PHEX: variants seen among roughly 807,000 people sequenced by gnomAD.
PHEX encodes the protein phosphate regulating endopeptidase X-linked, also known as phosphate-regulating neutral endopeptidase PHEX.
Under a neutral mutation model 68.0 loss-of-function variants are expected in PHEX, and 16 were observed. The observed-to-expected ratio is 0.24, with a 90% CI of 0.16 to 0.36. PHEX has a LOEUF of 0.36. Among genes scored for constraint, PHEX ranks in the 10% least tolerant of loss-of-function variants. PHEX has a pLI of 1.00. For synonymous variants in PHEX, 208 were observed against 205.1 expected, an observed-to-expected ratio of 1.01 and a Z score of -0.12; for missense variants, 480 against 575.5, an observed-to-expected ratio of 0.83 and a Z score of 1.70.
intron 17 of PHEX, among the ~76,000 whole-genome samples, chrX:22,219,982 C>T (rs1007552547): frequency 3.6e-5 from 4 of 111,757 alleles, no homozygotes; most frequent in African/African-American, 6.5e-5. Flanking sequence ...CTTTGTATCC[C>T]GATGACATTT....
At position 22,104,472 on chromosome X, in the gene PHEX, T is replaced by A. The variant is rs1445016284; in HGVS notation, c.1079+5321T>A. 2.7e-5 allele frequency among the ~76,000 whole-genome samples: 3 copies of A among 111,199 alleles called. 1 individual carries two copies. The highest frequency in any genetic ancestry group is 5.7e-5 in the Non-Finnish European group (3 of 52,959). On this transcript the variant is annotated intron_variant, in intron 9 of 21. Transcript: ENST00000379374. ...AAAGGGGGGTGGGGTAAGGAGGTAG[T>A]GATGATCCCTCATGTTATGTGCATC...
At chrX:22,089,911 A>T (rs985537279) in intron 5 of PHEX, among the ~76,000 whole-genome samples, 4 of 112,476 alleles carry the variant, frequency 3.6e-5, no homozygotes, top group Non-Finnish European at 5.6e-5. Flanking sequence ...AAAAAAAATC[A>T]ATGCCATATG....
chrX:22,076,457 C>A lies in PHEX; in HGVS notation c.419C>A (p.Ser140Ter). ...EAIQKAKILY[S>*]SCMNEKAIEK... Reference sequence around the variant, plus strand: ...ATACAGAAAGCCAAAATCCTTTATTCATCCTGCATGAATGAGAGTGAGTGA... The same window carrying A: ...ATACAGAAAGCCAAAATCCTTTATTAATCCTGCATGAATGAGAGTGAGTGA... Residue 140 changes from serine (S) to a stop codon, truncating the protein, a stop_gained, in exon 4 of 22, where the codon TCA becomes TAA. Coordinates refer to ENST00000379374, the MANE Select transcript of PHEX (RefSeq NM_000444.6). LOFTEE classifies it high-confidence loss of function. The A allele has an allele frequency of 8.5e-7, 1 of 1,182,504 alleles. No individual in the cohort carries two copies. Among genetic ancestry groups the A allele is most frequent in the Non-Finnish European group, 1.2e-6 (1 of 868,569 alleles).
chrX:22,076,324 A>G, intron 3 of PHEX, 64 bp from the exon 4 acceptor site: 2 of 798,864 alleles, frequency 2.5e-6, no homozygotes, highest in East Asian at 3.1e-5. Flanking sequence ...GTGATTATCA[A>G]ATGACTTCCA....
At chrX:22,038,834 G>C (rs1927143035) in intron 2 of PHEX, among the ~76,000 whole-genome samples, 1 of 111,537 alleles carries the variant, frequency 9.0e-6, no homozygotes, top group African/African-American at 3.3e-5. Flanking sequence ...AGAGAACATT[G>C]GTCTTCCTAT....
At chrX:22,228,072 C>A (rs993478338) in intron 20 of PHEX, among the ~76,000 whole-genome samples, 2 of 111,418 alleles carry the variant, frequency 1.8e-5, no homozygotes, top group Non-Finnish European at 3.8e-5. Flanking sequence ...ATGCAGAGAC[C>A]CCTAGAGCTG....
At chrX:22,111,657 A>T (rs994538562) in intron 10 of PHEX, 97 bp downstream of exon 10, 1 of 667,992 alleles carries the variant, frequency 1.5e-6, no homozygotes. Context: ...ATCTTTAGGG[A>T]TTAGACAGGG....
intron 7 of PHEX, 34 bp downstream of exon 7, chrX:22,094,133 T>C (rs1328063307): frequency 2.5e-6 from 2 of 805,081 alleles, no homozygotes; most frequent in Middle Eastern, 2.8e-4. Context: ...TTCTTTCCTT[T>C]ACTTTCTTTT....
intron 3 of PHEX, among the ~76,000 whole-genome samples, chrX:22,075,188 C>T (rs12008272): frequency 0.072 from 7,844 of 109,161 alleles, 441 homozygotes; most frequent in African/African-American, 0.19. Flanking sequence ...CACATCCAAC[C>T]CAATTTAATT....
At chrX:22,079,854 A>G (rs955946893) in intron 5 of PHEX, among the ~76,000 whole-genome samples, 5 of 111,692 alleles carry the variant, frequency 4.5e-5, no homozygotes, top group African/African-American at 1.6e-4. Flanking sequence ...CAGAAGAAAT[A>G]ATAGGAAGCT....
At chrX:22,079,938 G>A in intron 5 of PHEX, among the ~76,000 whole-genome samples, 1 of 111,320 alleles carries the variant, frequency 9.0e-6, no homozygotes, top group South Asian at 3.8e-4. Flanking sequence ...AAAACCATTA[G>A]GTAAATGGTT....
chrX:22,133,826 A>C (rs1932120637), intron 12 of PHEX, among the ~76,000 whole-genome samples: 1 of 112,109 alleles, frequency 8.9e-6, no homozygotes, highest in African/African-American at 3.2e-5. Flanking sequence ...AATTTTTCGA[A>C]CTGCATTTTC....
chrX:22,162,127 G>A (rs972312536), intron 12 of PHEX, among the ~76,000 whole-genome samples: 2 of 111,998 alleles, frequency 1.8e-5, no homozygotes, highest in African/African-American at 6.5e-5. Flanking sequence ...AGTGTTTCTT[G>A]TGTCTGTTTT....
At chrX:22,046,349 A>G (rs1569369325) in intron 2 of PHEX, among the ~76,000 whole-genome samples, 1 of 112,011 alleles carries the variant, frequency 8.9e-6, no homozygotes, top group Admixed American at 9.5e-5. Flanking sequence ...GTCAGTCCAA[A>G]TTCCAGGCAG....
At chrX:22,240,453 A>C (rs996984370) in intron 20 of PHEX, among the ~76,000 whole-genome samples, 3 of 112,355 alleles carry the variant, frequency 2.7e-5, no homozygotes, top group African/African-American at 9.7e-5. Flanking sequence ...AAATTGGATA[A>C]AGAGTCAAGA....
At chrX:22,166,729 C>T (rs902767231) in intron 12 of PHEX, among the ~76,000 whole-genome samples, 20 of 111,108 alleles carry the variant, frequency 1.8e-4, no homozygotes, top group African/African-American at 6.5e-4. Flanking sequence ...ATCTCCTAAA[C>T]TTATTCCTCT....
chrX:22,049,250 T>G (rs1353859259), intron 3 of PHEX, among the ~76,000 whole-genome samples: 1 of 110,808 alleles, frequency 9.0e-6, no homozygotes, highest in African/African-American at 3.3e-5. Context: ...GTAGCTGGGA[T>G]TACAGGCACT....
intron 3 of PHEX, among the ~76,000 whole-genome samples, chrX:22,071,268 CTG>C (rs1485924518): frequency 1.8e-5 from 2 of 111,565 alleles, no homozygotes; most frequent in Non-Finnish European, 3.8e-5. Flanking sequence ...ACCCTTAAAA[CTG>C]GCGTTCATGA....
At chrX:22,189,050 G>A (rs1279786608) in intron 14 of PHEX, among the ~76,000 whole-genome samples, 2 of 112,472 alleles carry the variant, frequency 1.8e-5, no homozygotes, top group East Asian at 2.8e-4. Flanking sequence ...TCTGTGCCTG[G>A]CTTATTTCAC....
Sources: gnomAD v4.1 joint callset for allele counts (sites outside exome capture counted in the v4.1 genomes callset) on GRCh38, gnomAD v4.1.1 for gene constraint, MANE v1.5 for transcripts, NCBI Gene and HGNC (gene_info 2026-07-23, HGNC 2026-07-21) for gene names.